The following PHKG2 variants were observed in gnomAD, a reference collection of about 807,000 sequenced individuals.
PHKG2 encodes phosphorylase b kinase gamma catalytic chain, liver/testis isoform.
In PHKG2, 28 loss-of-function variants were observed where a neutral mutation model predicts 44.5. The ratio of observed to expected loss-of-function variants is 0.63; its 90% CI spans 0.47 to 0.86. The LOEUF is 0.86. PHKG2 is among the 40% of genes least tolerant of loss of function. PHKG2 has a pLI of 0.00. For synonymous variants in PHKG2, 220 were observed against 211.2 expected (o/e 1.04, Z -0.36); for missense variants, 498 against 547.5 (o/e 0.91, Z 0.90).
chr16:30,760,512 C>T lies in PHKG2; in HGVS notation c.*3415C>T. Reference sequence around the variant, plus strand: ...GCCTCCTTTCATCACCCTACACCCACCACATGCTTTGGAGTCAGCCATTCC... The same window carrying T: ...GCCTCCTTTCATCACCCTACACCCATCACATGCTTTGGAGTCAGCCATTCC... On this transcript the variant is annotated 3_prime_UTR_variant, in exon 10 of 10. Transcript: ENST00000563588. 1.2e-6 allele frequency: 2 copies of T among 1,611,286 alleles called. No individual in the cohort carries two copies. Among genetic ancestry groups the T allele is most frequent in the Non-Finnish European group, 1.7e-6 (2 of 1,178,402 alleles).
Position 30,757,127 on chromosome 16 carries a change from A to G in PHKG2, c.*30A>G. On this transcript the variant is annotated 3_prime_UTR_variant, in exon 10 of 10. Coordinates refer to ENST00000563588, the MANE Select transcript of PHKG2 (RefSeq NM_000294.3). Reference sequence around the variant, plus strand: ...TCAACCCCAGGGATTCCCAGGAAGCAGAACTCTCCAGAAGAAGGGTTTTGA... The same window carrying G: ...TCAACCCCAGGGATTCCCAGGAAGCGGAACTCTCCAGAAGAAGGGTTTTGA... 1 of 1,611,380 alleles carries G rather than the reference A, an allele frequency of 6.2e-7. No homozygotes were observed.
rs757236599 is a variant in PHKG2, at chr16:30,759,312, G to A, written c.*2215G>A. On this transcript the variant is annotated 3_prime_UTR_variant, in exon 10 of 10. Transcript: ENST00000563588. Reference sequence around the variant, plus strand: ...TGTGCTGAGGGGAGGGGCGGTTGAGGGTGGCTCCTCATGGTCCACCACCCC... The same window carrying A: ...TGTGCTGAGGGGAGGGGCGGTTGAGAGTGGCTCCTCATGGTCCACCACCCC... The A allele has an allele frequency of 1.9e-6, 3 of 1,612,638 alleles. 1 individual carries two copies. The South Asian group carries it at 3.3e-5, about 18-fold the overall frequency.
intron 6 of PHKG2, among the ~76,000 whole-genome samples, chr16:30,754,276 C>T (rs1414018827): frequency 6.6e-6 from 1 of 151,366 alleles, no homozygotes; most frequent in Non-Finnish European, 1.5e-5. Flanking sequence ...AGCTATTCTT[C>T]TGCCTCAGCC....
intron 4 of PHKG2, 134 bp downstream of exon 4, chr16:30,751,737 C>A: frequency 1.2e-6 from 1 of 836,788 alleles, no homozygotes; most frequent in East Asian, 2.4e-5. Context: ...ATCACCTGGG[C>A]CTGCCTGCTA....
chr16:30,749,632 C>T (rs1469788207), intron 2 of PHKG2, among the ~76,000 whole-genome samples: 2 of 152,212 alleles, frequency 1.3e-5, no homozygotes, highest in African/African-American at 4.8e-5. Context: ...GCGTGAGCCA[C>T]CGCGCCTGGT....
rs372239376 is a variant in PHKG2, at chr16:30,753,544, C to A, written c.543C>A (p.Gly181=). 2 of 1,614,002 alleles carry A rather than the reference C, an allele frequency of 1.2e-6. No homozygotes were observed. The highest frequency in any genetic ancestry group is 4.5e-5 in the East Asian group (2 of 44,872). ...DFGFSCHLEP[G]EKLRELCGTP... ...GGTTCTCCTGCCACTTGGAACCTGG[C>A]GAGAAGCTTCGAGGTGAGGGGATCT... Residue 181 remains glycine, a synonymous_variant, in exon 6 of 10, where the codon GGC becomes GGA. Coordinates refer to ENST00000563588, the MANE Select transcript of PHKG2 (RefSeq NM_000294.3).
At chr16:30,755,046 T>A (rs1202227472) in intron 6 of PHKG2, 1 of 390,142 alleles carries the variant, frequency 2.6e-6, no homozygotes, top group Non-Finnish European at 5.3e-6. Flanking sequence ...CAGAAAGTAC[T>A]GGAAGAATTG....
rs2053586533 is a variant in PHKG2 at position 30,759,437 on chromosome 16, G to A, written c.*2340G>A. ...GCCAGCAGCTGTTCCTCTTTGAAGA[G>A]GTCGATGCTGAAAGGAGGCCGCTGT... On this transcript the variant is annotated 3_prime_UTR_variant, in exon 10 of 10. Transcript: ENST00000563588. The A allele has an allele frequency of 6.2e-7, 1 of 1,614,242 alleles. No individual in the cohort carries two copies. Among genetic ancestry groups the A allele is most frequent in the South Asian group, 1.1e-5 (1 of 91,092 alleles).
Position 30,757,528 on chromosome 16 carries a change from A to G in PHKG2, c.*431A>G. On this transcript the variant is annotated 3_prime_UTR_variant, in exon 10 of 10. Transcript: ENST00000563588. The stretch of plus-strand genomic sequence containing the variant: ...CGGAGGTAGCTGGAAGGGCCGCTCT[A>G]GTGCAGTCAACTTGCTGCTGAGCCT... 1.2e-6 allele frequency: 2 copies of G among 1,614,246 alleles called. No individual in the cohort carries two copies. Among genetic ancestry groups the G allele is most frequent in the Non-Finnish European group, 8.5e-7 (1 of 1,180,034 alleles).
chr16:30,754,438 T>G (rs757298211), intron 6 of PHKG2, among the ~76,000 whole-genome samples: 1 of 152,166 alleles, frequency 6.6e-6, no homozygotes, highest in African/African-American at 2.4e-5. Context: ...AGTGCTGGGA[T>G]TACAGGTGTG....
At position 30,760,991 on chromosome 16, in the gene PHKG2, C is replaced by T. The variant is rs1397244961; in HGVS notation, c.*3894C>T. On this transcript the variant is annotated 3_prime_UTR_variant, in exon 10 of 10. Transcript: ENST00000563588. ...CTTAGCGGCCATGAGACTCCATTTA[C>T]ATTCTGTCTTTGGCTCTTTTTTTCT... is the stretch of plus-strand genomic sequence containing the variant. 4 of 629,418 alleles carry T rather than the reference C, an allele frequency of 6.4e-6. No individual in the cohort carries two copies. Among genetic ancestry groups the T allele is most frequent in the East Asian group, 5.5e-5 (2 of 36,622 alleles). 39.0% of individuals were successfully genotyped at this position (629,418 alleles called of 1,614,324 possible).
At position 30,757,908 on chromosome 16, in the gene PHKG2, C is replaced by T. The variant is rs1179086339; in HGVS notation, c.*811C>T. ...TGTGACCTTAGGCAGGTTATTTAAC[C>T]TATCTGTGCCTCAGTTTCCTTGTAT... On this transcript the variant is annotated 3_prime_UTR_variant, in exon 10 of 10. Coordinates refer to ENST00000563588, the MANE Select transcript of PHKG2 (RefSeq NM_000294.3). 1.9e-5 allele frequency: 18 copies of T among 947,874 alleles called. No homozygotes were observed. The highest frequency in any genetic ancestry group is 2.6e-5 in the Non-Finnish European group (18 of 702,154). The allele number at this position is 947,874 out of a possible 1,614,324, so 58.7% of individuals were successfully genotyped here.
In PHKG2 at chr16:30,751,157, G is replaced by A. The variant is rs527291776; in HGVS notation, c.147G>A (p.Glu49=). The A allele has an allele frequency of 1.2e-6, 2 of 1,614,056 alleles. No individual in the cohort carries two copies. The highest frequency in any genetic ancestry group is 3.3e-5 in the Admixed American group (2 of 60,036). The change falls in exon 3 of 10, where the codon GAG becomes GAA. Residue 49 remains glutamate, a synonymous_variant. Coordinates refer to ENST00000563588, the MANE Select transcript of PHKG2 (RefSeq NM_000294.3). The stretch of plus-strand genomic sequence containing the variant: ...GTGTTCATCGAGCTACTGGCCACGA[G>A]TTTGCGGTGAAGATTATGGAAGTGA... ...RRCVHRATGH[E]FAVKIMEVTA...
rs61733974 is a variant in PHKG2, at chr16:30,753,555, G to A, written c.554G>A (p.Arg185Gln). Reference protein sequence around the residue: ...SCHLEPGEKLRELCGTPGYLA... With the variant: ...SCHLEPGEKLQELCGTPGYLA... ...CACTTGGAACCTGGCGAGAAGCTTC[G>A]AGGTGAGGGGATCTAGTGCCCTAAT... The change falls in exon 6 of 10, where the codon CGA (arginine) becomes CAA (glutamine). Residue 185 changes from arginine to glutamine, a missense_variant and splice_region_variant. Physicochemically the swap from Arg to Gln is conservative, Grantham distance 43. Coordinates refer to ENST00000563588, the MANE Select transcript of PHKG2 (RefSeq NM_000294.3). The A allele has an allele frequency of 1.2e-6, 2 of 1,614,070 alleles. No individual in the cohort carries two copies. Among genetic ancestry groups the A allele is most frequent in the Non-Finnish European group, 8.5e-7 (1 of 1,179,928 alleles).
Position 30,748,832 on chromosome 16 carries a change from C to G in PHKG2, c.12C>G (p.Asp4Glu), listed in dbSNP as rs565389823. Residue 4 changes from aspartate (D) to glutamate (E), a missense_variant, in exon 2 of 10, where the codon GAC becomes GAG. Transcript: ENST00000563588. MTL[D>E]VGPEDELPDW... ...CCGCCTCCTTCAGGATGACGCTGGACGTGGGGCCGGAGGATGAGCTGCCCG... is the reference window on the plus strand; with the variant it reads ...CCGCCTCCTTCAGGATGACGCTGGAGGTGGGGCCGGAGGATGAGCTGCCCG... The G allele has an allele frequency of 5.8e-6, 9 of 1,551,960 alleles. No homozygotes were observed. Among genetic ancestry groups the G allele is most frequent in the Non-Finnish European group, 7.8e-6 (9 of 1,147,130 alleles).
rs551789158 is a variant in PHKG2, at chr16:30,759,180, G to A, written c.*2083G>A. The A allele has an allele frequency of 1.3e-5, 21 of 1,614,124 alleles. No individual in the cohort carries two copies. Among genetic ancestry groups the A allele is most frequent in the East Asian group, 8.9e-5 (4 of 44,878 alleles). On this transcript the variant is annotated 3_prime_UTR_variant, in exon 10 of 10. Transcript: ENST00000563588. ...CCTGCCCTGGCACTCTCCCTTACCC[G>A]TCTCACTCTCTGGCCACAGTTTGGG...
Position 30,760,276 on chromosome 16 carries a change from C to T in PHKG2, c.*3179C>T, listed in dbSNP as rs757506435. ...TGGGGCTCAAACCTGGTAGCTGCCC[C>T]CTCTCACCAATACAAGCCTTGTGAA... On this transcript the variant is annotated 3_prime_UTR_variant, in exon 10 of 10. Coordinates refer to ENST00000563588, the MANE Select transcript of PHKG2 (RefSeq NM_000294.3). The T allele has an allele frequency of 8.1e-6, 13 of 1,614,192 alleles. No homozygotes were observed. In the East Asian group the frequency reaches 2.7e-4, roughly 33 times the overall value.
chr16:30,751,203 G>A lies in PHKG2; in HGVS notation c.193G>A (p.Glu65Lys). 1.2e-6 allele frequency: 2 copies of A among 1,613,760 alleles called. No homozygotes were observed. Among genetic ancestry groups the A allele is most frequent in the South Asian group, 1.1e-5 (1 of 91,086 alleles). The change falls in exon 3 of 10, where the codon GAG (glutamate) becomes AAG (lysine). Residue 65 changes from glutamate (E) to lysine (K), a missense_variant. Coordinates refer to ENST00000563588, the MANE Select transcript of PHKG2 (RefSeq NM_000294.3). ...AGTGACAGCTGAGCGGCTGAGTCCT[G>A]AGCAGCTGGAGGAGGTGCGGGAAGC... Reference protein sequence around the residue: ...MEVTAERLSPEQLEEVREATR... With the variant: ...MEVTAERLSPKQLEEVREATR...
intron 6 of PHKG2, chr16:30,754,976 A>G: frequency 4.5e-6 from 2 of 447,328 alleles, no homozygotes; most frequent in South Asian, 3.1e-5. Flanking sequence ...ATTTCCCAAC[A>G]AAGTCAGTTT....
Sources: allele counts gnomAD v4.1 joint callset (sites outside exome capture counted in the v4.1 genomes callset), GRCh38; gene constraint gnomAD v4.1.1; transcripts MANE v1.5; gene names NCBI Gene and HGNC (gene_info 2026-07-23, HGNC 2026-07-21).